Variants in ITGA6 observed in about 807,000 individuals in gnomAD.
The protein encoded by ITGA6 is integrin alpha-6.
Under a neutral mutation model 133.6 loss-of-function variants are expected in ITGA6, and 63 were observed. The observed-to-expected ratio is 0.47, with a 90% CI of 0.38 to 0.58. The LOEUF is 0.58. ITGA6 is among the 20% of genes least tolerant of loss of function. The probability of loss-of-function intolerance (pLI) is 0.00; values close to 1 mark genes in which losing one functional copy is unlikely to be tolerated. For synonymous variants in ITGA6, 434 were observed against 482.0 expected, an observed-to-expected ratio of 0.90 and a Z score of 1.30; for missense variants, 1,068 against 1,309.4, an observed-to-expected ratio of 0.82 and a Z score of 2.85.
intron 23 of ITGA6, among the ~76,000 whole-genome samples, chr2:172,493,127 T>C (rs971080810): frequency 3.3e-5 from 5 of 151,998 alleles, no homozygotes; most frequent in Non-Finnish European, 5.9e-5. Flanking sequence ...AGGCTGGTCT[T>C]TAACTCCTGG....
chr2:172,489,414 G>A (rs1686827438), intron 19 of ITGA6, 71 bp from the exon 20 acceptor site: 1 of 1,245,364 alleles, frequency 8.0e-7, no homozygotes, highest in East Asian at 2.3e-5. Flanking sequence ...CTTTCTCTTG[G>A]TAAAAGGAGC....
chr2:172,489,408 C>G, intron 19 of ITGA6, 77 bp from the exon 20 acceptor site: 1 of 1,177,756 alleles, frequency 8.5e-7, no homozygotes, highest in East Asian at 2.4e-5. Flanking sequence ...TAGCTTCTTT[C>G]TCTTGGTAAA....
intron 24 of ITGA6, among the ~76,000 whole-genome samples, chr2:172,500,787 T>C (rs1442408662): frequency 6.6e-6 from 1 of 152,214 alleles, no homozygotes; most frequent in Admixed American, 6.5e-5. Flanking sequence ...GCATCCAGTA[T>C]GGTAGCCATT....
rs1252753368 is a variant in ITGA6 at position 172,457,641 on chromosome 2, G to T, written c.183-7898G>T. On this transcript the variant is annotated intron_variant, in intron 1 of 25. Transcript: ENST00000684293. ...TATATGTTAGCCAAAAAAAAGTTTGGAATGTTTTTCCCCGTTATATTCATT... is the reference window on the plus strand; with the variant it reads ...TATATGTTAGCCAAAAAAAAGTTTGTAATGTTTTTCCCCGTTATATTCATT... Among the ~76,000 whole-genome samples the T allele has an allele frequency of 2.6e-5, 4 of 152,284 alleles. No homozygotes were observed. In the East Asian group the frequency reaches 7.7e-4, roughly 29 times the overall value.
At chr2:172,445,377 C>T (rs1228438141) in intron 1 of ITGA6, among the ~76,000 whole-genome samples, 153 of 143,528 alleles carry the variant, frequency 1.1e-3, no homozygotes, top group African/African-American at 3.7e-3. Context: ...AGGCCGGGCG[C>T]GGTGGCTCAC....
chr2:172,505,609 T>TTAAG lies in ITGA6; in HGVS notation c.*1543_*1546dup, dbSNP rs1038173197. ...TTTTTAATTACCATGCTTCACAATG[T>TTAAG]TAAGTTATATGGGGAGCAACAGCAA... is the stretch of plus-strand genomic sequence containing the variant. On this transcript the variant is annotated 3_prime_UTR_variant, in exon 26 of 26. Coordinates refer to ENST00000684293, the MANE Select transcript of ITGA6 (RefSeq NM_000210.4). 2.6e-5 allele frequency: 4 copies of TTAAG among 152,588 alleles called. No individual in the cohort carries two copies. Among genetic ancestry groups the TTAAG allele is most frequent in the African/African-American group, 9.7e-5 (4 of 41,430 alleles). 9.5% of individuals were successfully genotyped at this position (152,588 alleles called of 1,614,324 possible). A position where few individuals can be genotyped will look rare whatever the true frequency, so the allele number is the denominator to read the frequency against.
chr2:172,502,043 GTTTTA>G (rs1687371137), intron 25 of ITGA6, 142 bp downstream of exon 25: 2 of 731,982 alleles, frequency 2.7e-6, no homozygotes, highest in Non-Finnish European at 4.3e-6. Context: ...GCTTGGATTT[GTTTTA>G]TTTTATTTCA....
intron 1 of ITGA6, among the ~76,000 whole-genome samples, chr2:172,428,811 G>T (rs1368330200): frequency 1.3e-5 from 2 of 152,194 alleles, no homozygotes; most frequent in African/African-American, 4.8e-5. Flanking sequence ...AGAAAGAGGA[G>T]ACCGGCACTA....
intron 1 of ITGA6, among the ~76,000 whole-genome samples, chr2:172,433,122 G>A (rs1438462685): frequency 6.6e-6 from 1 of 152,206 alleles, no homozygotes; most frequent in African/African-American, 2.4e-5. Flanking sequence ...GCAGTGGGAA[G>A]TGGACGTAGT....
rs190198869 is a variant in ITGA6 at position 172,468,379 on chromosome 2, G to A, written c.388-746G>A. ...TCCTTCAAAATCTGGTTGCTGTAACGAAATTTATACAGAATTTTGAGAAAA... is the reference window on the plus strand; with the variant it reads ...TCCTTCAAAATCTGGTTGCTGTAACAAAATTTATACAGAATTTTGAGAAAA... On this transcript the variant is annotated intron_variant, in intron 3 of 25. Transcript: ENST00000684293. Among the ~76,000 whole-genome samples the A allele has an allele frequency of 4.9e-4, 74 of 152,280 alleles. 1 individual carries two copies. The highest frequency in any genetic ancestry group is 3.4e-3 in the Middle Eastern group (1 of 294).
At chr2:172,445,387 C>T (rs1300562091) in intron 1 of ITGA6, among the ~76,000 whole-genome samples, 17 of 146,870 alleles carry the variant, frequency 1.2e-4, no homozygotes, top group Non-Finnish European at 1.9e-4. Context: ...CGGTGGCTCA[C>T]GCCTGTAATC....
chr2:172,459,551 A>G (rs1172481434), intron 1 of ITGA6, among the ~76,000 whole-genome samples: 1 of 152,182 alleles, frequency 6.6e-6, no homozygotes, highest in African/African-American at 2.4e-5. Context: ...CAGAATTTCC[A>G]CTGGCAACAC....
chr2:172,451,462 TAAA>T (rs57101233), intron 1 of ITGA6, among the ~76,000 whole-genome samples: 2 of 135,490 alleles, frequency 1.5e-5, no homozygotes, highest in Non-Finnish European at 1.6e-5. Context: ...GAGACTATCT[TAAA>T]AAAAAAAAAA....
At chr2:172,436,308 GC>G (rs1684318365) in intron 1 of ITGA6, among the ~76,000 whole-genome samples, 1 of 152,192 alleles carries the variant, frequency 6.6e-6, no homozygotes, top group South Asian at 2.1e-4. Flanking sequence ...GTGTTTTAAT[GC>G]CAAGAACATG....
intron 1 of ITGA6, among the ~76,000 whole-genome samples, chr2:172,441,543 G>A (rs1012818558): frequency 1.1e-4 from 13 of 117,960 alleles, no homozygotes; most frequent in Non-Finnish European, 1.8e-4. Flanking sequence ...GTAACAGAGT[G>A]GAGACGCTGT....
At chr2:172,465,363 G>T (rs930113057) in intron 1 of ITGA6, 176 bp from the exon 2 acceptor site, 1 of 752,642 alleles carries the variant, frequency 1.3e-6, no homozygotes, top group Admixed American at 2.1e-5. Context: ...GTGTTTGTGC[G>T]TTTTGCATGA....
At position 172,505,371 on chromosome 2, in the gene ITGA6, G is replaced by A. The variant is rs1304552778; in HGVS notation, c.*1303G>A. 1 of 152,154 alleles carries A rather than the reference G, an allele frequency of 6.6e-6. No homozygotes were observed. Among genetic ancestry groups the A allele is most frequent in the Non-Finnish European group, 1.5e-5 (1 of 68,016 alleles). 9.4% of individuals were successfully genotyped at this position (152,154 alleles called of 1,614,324 possible). On this transcript the variant is annotated 3_prime_UTR_variant, in exon 26 of 26. Transcript: ENST00000684293. ...CCTATGGTGGATCCAAACTGATCCA[G>A]TATAAGACTACTGAATCTGCTACCA...
At chr2:172,495,094 C>A (rs1020550828) in intron 23 of ITGA6, among the ~76,000 whole-genome samples, 2 of 152,126 alleles carry the variant, frequency 1.3e-5, no homozygotes, top group African/African-American at 4.8e-5. Flanking sequence ...TGGGTGACTT[C>A]CTGTACTGAA....
At chr2:172,443,033 T>TGG (rs1354789862) in intron 1 of ITGA6, among the ~76,000 whole-genome samples, 10 of 152,214 alleles carry the variant, frequency 6.6e-5, no homozygotes, top group Non-Finnish European at 1.5e-5. Flanking sequence ...ACTACAAAGA[T>TGG]GGAATGAAAG....
Sources: allele counts gnomAD v4.1 joint callset (sites outside exome capture counted in the v4.1 genomes callset), GRCh38; gene constraint gnomAD v4.1.1; transcripts MANE v1.5; gene names NCBI Gene and HGNC (gene_info 2026-07-23, HGNC 2026-07-21).